Variants in GSN observed in about 807,000 individuals in gnomAD.
GSN encodes gelsolin.
A neutral mutation model predicts 85.7 loss-of-function variants in GSN; 56 were observed. The ratio of observed to expected loss-of-function variants is 0.65; its 90% CI spans 0.53 to 0.82. The LOEUF is 0.82. Ranked by LOEUF, GSN falls within the 40% of genes least tolerant of loss-of-function variation. GSN has a pLI of 0.00. For missense variants in GSN, 857 were observed against 979.8 expected, an observed-to-expected ratio of 0.87 and a Z score of 1.67; for synonymous variants, 373 against 399.1, an observed-to-expected ratio of 0.93 and a Z score of 0.78.
chr9:121,237,149 T>C (rs2132177349), intron 5 of GSN, among the ~76,000 whole-genome samples: 1 of 152,348 alleles, frequency 6.6e-6, no homozygotes, highest in East Asian at 1.9e-4. Flanking sequence ...ATTTTGTGTG[T>C]TGCTCAGAGA....
At chr9:121,281,816 A>C (rs1451727698) in intron 2 of GSN, 2 of 470,948 alleles carry the variant, frequency 4.2e-6, no homozygotes. Context: ...CCTGGCTCCC[A>C]CCCTGGCTGT....
intron 5 of GSN, among the ~76,000 whole-genome samples, chr9:121,234,208 C>T (rs1168972849): frequency 1.3e-5 from 2 of 152,180 alleles, no homozygotes; most frequent in Non-Finnish European, 2.9e-5. Flanking sequence ...ACGGCCGTGC[C>T]TAGCTGCAAG....
At chr9:121,317,855 A>AAGAG (rs138299905) in intron 8 of GSN, 1 of 180,360 alleles carries the variant, frequency 5.5e-6, no homozygotes, top group African/African-American at 2.4e-5. Context: ...GGTGGGGAGA[A>AAGAG]AGAGAGAGAG....
intron 2 of GSN, chr9:121,283,661 A>C (rs1197268590): frequency 1.8e-5 from 3 of 162,166 alleles, no homozygotes; most frequent in Non-Finnish European, 4.4e-5. Flanking sequence ...GTCTTGATTT[A>C]TGTATATAGG....
At chr9:121,316,050 G>T (rs1423557539) in intron 7 of GSN, among the ~76,000 whole-genome samples, 1 of 152,188 alleles carries the variant, frequency 6.6e-6, no homozygotes, top group African/African-American at 2.4e-5. Context: ...TTAAAGGACT[G>T]CTACCTCACA....
chr9:121,312,365 C>T lies in GSN; in HGVS notation c.540C>T (p.Asn180=). ...GNNIHQWCGS[N]SNRYERLKAT... ...ACATCCACCAGTGGTGTGGTTCCAA[C>T]AGCAATCGGTATGAAAGACTGAAGG... Residue 180 remains asparagine (N), a synonymous_variant, in exon 6 of 18, where the codon AAC becomes AAT. Coordinates refer to ENST00000432226, the MANE Select transcript of GSN (RefSeq NM_198252.3). The T allele has an allele frequency of 6.2e-7, 1 of 1,614,164 alleles. No individual in the cohort carries two copies. Among genetic ancestry groups the T allele is most frequent in the Non-Finnish European group, 8.5e-7 (1 of 1,180,000 alleles).
In GSN at chr9:121,317,138, C is replaced by T; in HGVS notation, c.806C>T (p.Pro269Leu). Reference sequence around the variant, plus strand: ...GTCTCCCTCGTGGCTGATGAGAACCCCTTCGCCCAGGGGGCCCTGAAGTCA... The same window carrying T: ...GTCTCCCTCGTGGCTGATGAGAACCTCTTCGCCCAGGGGGCCCTGAAGTCA... ...MSVSLVADENPFAQGALKSED... is the reference protein window; with the variant it reads ...MSVSLVADENLFAQGALKSED... The change falls in exon 8 of 18, where the codon CCC becomes CTC. Residue 269 changes from proline (P) to leucine (L), a missense_variant. Coordinates refer to ENST00000432226, the MANE Select transcript of GSN (RefSeq NM_198252.3). The T allele has an allele frequency of 1.2e-6, 2 of 1,614,168 alleles. No homozygotes were observed. Among genetic ancestry groups the T allele is most frequent in the South Asian group, 2.2e-5 (2 of 91,080 alleles).
At chr9:121,268,106 G>A (rs1039111199), upstream of GSN, 12 of 148,528 alleles carry the variant, frequency 8.1e-5, no homozygotes, top group Non-Finnish European at 1.2e-4. Flanking sequence ...GGCGGCTCCC[G>A]CCCGCGCCCT....
At position 121,312,337 on chromosome 9, in the gene GSN, A is replaced by G. The variant is rs2061246354; in HGVS notation, c.514-2A>G. On this transcript the variant is annotated splice_acceptor_variant, in intron 5 of 17. Transcript: ENST00000432226. LOFTEE classifies it high-confidence loss of function. ...CTGACTTCCTGGGTCTCTGTCTTCC[A>G]GAACATCCACCAGTGGTGTGGTTCC... 1.2e-6 allele frequency: 2 copies of G among 1,614,102 alleles called. No individual in the cohort carries two copies. Among genetic ancestry groups the G allele is most frequent in the South Asian group, 1.1e-5 (1 of 91,080 alleles).
chr9:121,257,139 T>TA (rs902635503), intron 6 of GSN, among the ~76,000 whole-genome samples: 1 of 151,696 alleles, frequency 6.6e-6, no homozygotes, highest in Non-Finnish European at 1.5e-5. Flanking sequence ...ATTTATCAAT[T>TA]AAAAAAAAGA....
At chr9:121,244,398 T>G (rs2132212660) in intron 5 of GSN, among the ~76,000 whole-genome samples, 1 of 152,350 alleles carries the variant, frequency 6.6e-6, no homozygotes, top group Non-Finnish European at 1.5e-5. Context: ...GCATGTTACA[T>G]TTTATAAGAG....
chr9:121,279,582 G>C (rs2057093506), intron 1 of GSN, among the ~76,000 whole-genome samples: 1 of 152,056 alleles, frequency 6.6e-6, no homozygotes, highest in South Asian at 2.1e-4. Context: ...GTGGTGTGTT[G>C]AGGAGGGTGA....
chr9:121,230,689 A>G (rs776027558), intron 4 of GSN, among the ~76,000 whole-genome samples: 1 of 152,108 alleles, frequency 6.6e-6, no homozygotes, highest in Non-Finnish European at 1.5e-5. Flanking sequence ...TCATAGTTAA[A>G]TGGGTTCATT....
rs916930580 is a variant in GSN, at chr9:121,231,197, G to A, written c.-495G>A. The A allele has an allele frequency of 5.9e-5, 9 of 152,262 alleles. No individual in the cohort carries two copies. In the South Asian group the frequency reaches 8.3e-4, roughly 14 times the overall value. 9.4% of individuals were successfully genotyped at this position (152,262 alleles called of 1,614,324 possible). A position where few individuals can be genotyped will look rare whatever the true frequency, so the allele number is the denominator to read the frequency against. ...TGTTTAGAAGGAGAAAGAAGAGCTC[G>A]CTGTGAAAAACGCTCCACAATGCTG... On this transcript the variant is annotated 5_prime_UTR_variant, in exon 5 of 25. Transcript: ENST00000373823.
chr9:121,221,145 C>G (rs931879682), intron 4 of GSN, among the ~76,000 whole-genome samples: 1 of 152,204 alleles, frequency 6.6e-6, no homozygotes, highest in Non-Finnish European at 1.5e-5. Context: ...CGGCCCAGTC[C>G]GAGAAAAGCC....
In GSN at chr9:121,259,218, T is replaced by G. The variant is rs867913718; in HGVS notation, c.-340-5936T>G. ...GTGTGGGAGATGGTAAACAACCCAG[T>G]AATGAAATCATTACAAATAACCATC... On this transcript the variant is annotated intron_variant, in intron 6 of 24. Transcript: ENST00000373823. Among the ~76,000 whole-genome samples the G allele has an allele frequency of 4.6e-5, 7 of 152,286 alleles. No individual in the cohort carries two copies. The South Asian group carries it at 8.3e-4, about 18-fold the overall frequency.
At chr9:121,228,436 T>C (rs567342284) in intron 4 of GSN, among the ~76,000 whole-genome samples, 1 of 94,142 alleles carries the variant, frequency 1.1e-5, no homozygotes, top group Non-Finnish European at 2.0e-5. Context: ...TTTTTTTTTT[T>C]TTTTTTTTTT....
chr9:121,307,115 A>T (rs1481523659), intron 4 of GSN, among the ~76,000 whole-genome samples: 1 of 152,134 alleles, frequency 6.6e-6, no homozygotes, highest in Non-Finnish European at 1.5e-5. Context: ...TGGGAGGCAG[A>T]GGTTGCAGTG....
chr9:121,304,094 G>A (rs1217646509), intron 4 of GSN, among the ~76,000 whole-genome samples: 1 of 152,244 alleles, frequency 6.6e-6, no homozygotes, highest in Non-Finnish European at 1.5e-5. Context: ...CTGCTGATGT[G>A]CTGTGTGACC....
Sources: gnomAD v4.1 joint callset for allele counts (sites outside exome capture counted in the v4.1 genomes callset) on GRCh38, gnomAD v4.1.1 for gene constraint, MANE v1.5 for transcripts, NCBI Gene and HGNC (gene_info 2026-07-23, HGNC 2026-07-21) for gene names.